The following ESR2 variants were observed in gnomAD, a reference collection of about 807,000 sequenced individuals.
ESR2 encodes estrogen receptor 2, also known as estrogen receptor beta.
ESR2 carries 36 observed loss-of-function variants against 49.6 expected under a neutral mutation model. The ratio of observed to expected loss-of-function variants is 0.73; its 90% CI spans 0.56 to 0.96. The LOEUF (loss-of-function observed/expected upper bound fraction) is 0.96. Ranked by LOEUF, ESR2 falls within the 40% of genes least tolerant of loss-of-function variation. The pLI, the probability that ESR2 is intolerant of heterozygous loss-of-function variation, is 0.00. For missense variants in ESR2, 714 were observed against 693.0 expected (o/e 1.03, Z -0.34); for synonymous variants, 320 against 266.1 (o/e 1.20, Z -1.97).
intron 1 of ESR2, among the ~76,000 whole-genome samples, chr14:64,312,404 G>A (rs568187448): frequency 1.6e-4 from 25 of 152,202 alleles, no homozygotes; most frequent in Middle Eastern, 3.4e-3. Context: ...CAGTTAGGCC[G>A]GGCGCAGTGT....
chr14:64,227,276 G>C (rs1388629576), downstream of ESR2: 2 of 504,400 alleles, frequency 4.0e-6, no homozygotes, highest in Non-Finnish European at 7.0e-6. Flanking sequence ...TGCCCCTCAT[G>C]GGTGAGACAT....
chr14:64,330,208 T>A (rs923866080), intron 1 of ESR2: 1 of 152,158 alleles, frequency 6.6e-6, no homozygotes, highest in African/African-American at 2.4e-5. Context: ...GGCGGGTGGA[T>A]CACCTGAGTT....
At chr14:64,336,031 AAT>A (rs2077528084) in intron 1 of ESR2, 1 of 139,358 alleles carries the variant, frequency 7.2e-6, no homozygotes, top group Admixed American at 7.2e-5. Flanking sequence ...GTGTATTTTT[AAT>A]AGAGACGGGG....
chr14:64,268,718 C>A, intron 4 of ESR2, 77 bp downstream of exon 4: 3 of 808,772 alleles, frequency 3.7e-6, no homozygotes, highest in Non-Finnish European at 6.3e-6. Context: ...CTTTTCCCGG[C>A]TACCTGTCCC....
At chr14:64,322,462 T>A (rs2077336000) in intron 1 of ESR2, among the ~76,000 whole-genome samples, 1 of 147,116 alleles carries the variant, frequency 6.8e-6, no homozygotes, top group Non-Finnish European at 1.5e-5. Context: ...GATAGCTTGA[T>A]CCAGGGGTTT....
At position 64,260,259 on chromosome 14, in the gene ESR2, C is replaced by G. The variant is rs1211694589; in HGVS notation, c.952+190G>C. On this transcript the variant is annotated intron_variant, in intron 5 of 8. Coordinates refer to ENST00000341099, the MANE Select transcript of ESR2 (RefSeq NM_001437.3). ...CTCAGAATTCTAAATCAGAACACGG[C>G]CTTGTTGAAGGTAGGTATGCCAAGA... 3 of 771,398 alleles carry G rather than the reference C, an allele frequency of 3.9e-6. No homozygotes were observed. In the East Asian group the frequency reaches 7.4e-5, roughly 19 times the overall value. 47.8% of individuals were successfully genotyped at this position (771,398 alleles called of 1,614,324 possible). A position where few individuals can be genotyped will look rare whatever the true frequency, so the allele number is the denominator to read the frequency against.
intron 1 of ESR2, among the ~76,000 whole-genome samples, chr14:64,327,447 G>A (rs1289759484): frequency 9.4e-6 from 1 of 106,184 alleles, no homozygotes; most frequent in Non-Finnish European, 2.2e-5. Flanking sequence ...TGTCATCCCA[G>A]CACTTTGGGA....
rs1391817099 is a variant in ESR2 at position 64,229,522 on chromosome 14, G to A, written c.*3615C>T. Among the ~76,000 whole-genome samples the A allele has an allele frequency of 1.3e-5, 2 of 152,160 alleles. No homozygotes were observed. The highest frequency in any genetic ancestry group is 2.9e-5 in the Non-Finnish European group (2 of 68,016). On this transcript the variant is annotated 3_prime_UTR_variant, in exon 9 of 9. Coordinates refer to ENST00000341099, the MANE Select transcript of ESR2 (RefSeq NM_001437.3). ...GGACATTGTGGTGGGAGGTAAGGGG[G>A]TATCACAAGGGGGCCCCATTTAAAT...
intron 1 of ESR2, among the ~76,000 whole-genome samples, chr14:64,335,188 C>T (rs975123124): frequency 2.0e-5 from 3 of 152,092 alleles, no homozygotes; most frequent in Non-Finnish European, 2.9e-5. Context: ...TAACAGTGAT[C>T]AGGGAAGGCA....
chr14:64,253,616 G>A (rs983320128), intron 6 of ESR2, among the ~76,000 whole-genome samples: 7 of 148,932 alleles, frequency 4.7e-5, no homozygotes, highest in Admixed American at 2.7e-4. Context: ...ATGTATGTGT[G>A]TGTATATATA....
chr14:64,240,177 C>T (rs904040501), intron 7 of ESR2, among the ~76,000 whole-genome samples: 3 of 152,242 alleles, frequency 2.0e-5, no homozygotes, highest in Non-Finnish European at 2.9e-5. Context: ...TGTACCACTG[C>T]AGATGTGATT....
chr14:64,300,050 C>G (rs1171282974), intron 1 of ESR2, among the ~76,000 whole-genome samples: 1 of 152,218 alleles, frequency 6.6e-6, no homozygotes, highest in Non-Finnish European at 1.5e-5. Context: ...ACCACGCCAC[C>G]AGCCACAGCT....
At chr14:64,239,211 G>A (rs934074379) in intron 7 of ESR2, among the ~76,000 whole-genome samples, 2 of 152,114 alleles carry the variant, frequency 1.3e-5, no homozygotes, top group African/African-American at 4.8e-5. Flanking sequence ...ATGGTGTGAG[G>A]CTGCAGGCTG....
intron 1 of ESR2, among the ~76,000 whole-genome samples, chr14:64,305,436 C>T (rs1177464858): frequency 1.3e-5 from 2 of 151,188 alleles, no homozygotes; most frequent in Non-Finnish European, 2.9e-5. Flanking sequence ...TTTGGGAGGC[C>T]AAGGCGGGCG....
At chr14:64,274,223 T>C (rs565248334) in intron 3 of ESR2, among the ~76,000 whole-genome samples, 7 of 152,066 alleles carry the variant, frequency 4.6e-5, no homozygotes, top group African/African-American at 1.4e-4. Context: ...GCTGGGATTA[T>C]AGGTATGAGC....
chr14:64,255,375 T>G (rs1402178531), intron 6 of ESR2, among the ~76,000 whole-genome samples: 1 of 152,080 alleles, frequency 6.6e-6, no homozygotes, highest in Non-Finnish European at 1.5e-5. Flanking sequence ...GGTGCTTGGC[T>G]TTTCAGCCTG....
At chr14:64,287,031 T>C (rs2076795672) in intron 1 of ESR2, among the ~76,000 whole-genome samples, 1 of 152,070 alleles carries the variant, frequency 6.6e-6, no homozygotes, top group Non-Finnish European at 1.5e-5. Flanking sequence ...GTTGTTTTTT[T>C]TTTTTTCTTT....
intron 7 of ESR2, among the ~76,000 whole-genome samples, chr14:64,238,513 C>T (rs1479745687): frequency 6.6e-6 from 1 of 152,118 alleles, no homozygotes; most frequent in East Asian, 1.9e-4. Context: ...GCAGTGCGTG[C>T]CTGCACCTCA....
intron 7 of ESR2, among the ~76,000 whole-genome samples, chr14:64,238,938 T>TC (rs1342427959): frequency 1.3e-5 from 2 of 152,156 alleles, no homozygotes; most frequent in African/African-American, 4.8e-5. Flanking sequence ...CAGCCACCTC[T>TC]CCTTCAAGAT....
Sources: allele counts gnomAD v4.1 joint callset (sites outside exome capture counted in the v4.1 genomes callset), GRCh38; gene constraint gnomAD v4.1.1; transcripts MANE v1.5; gene names NCBI Gene and HGNC (gene_info 2026-07-23, HGNC 2026-07-21).